SMAP1: variants seen among roughly 807,000 people sequenced by gnomAD.
The protein encoded by SMAP1 is small ArfGAP 1.
SMAP1 carries 24 observed loss-of-function variants against 58.5 expected under a neutral mutation model. The ratio of observed to expected loss-of-function variants is 0.41; its 90% CI spans 0.30 to 0.58. The LOEUF is 0.58. Among genes scored for constraint, SMAP1 ranks in the 20% least tolerant of loss-of-function variants. The probability of loss-of-function intolerance (pLI) is 0.29; values close to 1 mark genes in which losing one functional copy is unlikely to be tolerated. For synonymous variants in SMAP1, 216 were observed against 196.6 expected (o/e 1.10, Z -0.82); for missense variants, 563 against 566.3 (o/e 0.99, Z 0.06).
At chr6:70,857,370 C>G (rs1277575416) in intron 9 of SMAP1, 3 of 182,380 alleles carry the variant, frequency 1.6e-5, no homozygotes, top group Non-Finnish European at 3.4e-5. Context: ...TGCAGGTAAA[C>G]AGTCTTGAGT....
intron 5 of SMAP1, among the ~76,000 whole-genome samples, chr6:70,793,914 A>G (rs1050212428): frequency 6.6e-6 from 1 of 151,810 alleles, no homozygotes; most frequent in African/African-American, 2.4e-5. Context: ...ATGTATTTTT[A>G]TAGAGATAGG....
At chr6:70,817,306 A>G (rs1337386926) in intron 6 of SMAP1, among the ~76,000 whole-genome samples, 4 of 152,116 alleles carry the variant, frequency 2.6e-5, no homozygotes, top group African/African-American at 7.2e-5. Context: ...ACTGATTGCT[A>G]GAAGGAAAAG....
At chr6:70,721,062 AT>A (rs1768503401) in intron 1 of SMAP1, among the ~76,000 whole-genome samples, 1 of 152,206 alleles carries the variant, frequency 6.6e-6, no homozygotes, top group South Asian at 2.1e-4. Flanking sequence ...CTTGCTACTT[AT>A]GCAAATTAGG....
intron 3 of SMAP1, among the ~76,000 whole-genome samples, chr6:70,755,660 A>G (rs906867098): frequency 3.9e-5 from 6 of 151,988 alleles, no homozygotes; most frequent in Admixed American, 2.0e-4. Context: ...GTTGAGGGGC[A>G]TCTCTGTTAC....
intron 1 of SMAP1, among the ~76,000 whole-genome samples, chr6:70,677,199 C>A (rs188250686): frequency 0.017 from 1,892 of 112,252 alleles, 11 homozygotes; most frequent in Non-Finnish European, 0.026. Context: ...TTTTTTTTTG[C>A]TATATCCTTA....
chr6:70,788,466 TAAAATA>T (rs969791352), intron 4 of SMAP1, among the ~76,000 whole-genome samples: 15 of 148,498 alleles, frequency 1.0e-4, no homozygotes, highest in African/African-American at 2.9e-4. Context: ...TAATAAAAAA[TAAAATA>T]AAAAAAAACT....
intron 1 of SMAP1, among the ~76,000 whole-genome samples, chr6:70,687,922 G>A (rs988220694): frequency 1.3e-5 from 2 of 152,118 alleles, no homozygotes; most frequent in African/African-American, 2.4e-5. Flanking sequence ...AGAATCTCTT[G>A]TGTTGCCCTC....
intron 1 of SMAP1, among the ~76,000 whole-genome samples, chr6:70,691,728 T>C (rs770485945): frequency 5.3e-5 from 8 of 152,234 alleles, no homozygotes; most frequent in Non-Finnish European, 1.2e-4. Context: ...TTTCTGTGCC[T>C]GACATTTCAC....
chr6:70,668,023 G>C lies in SMAP1; in HGVS notation c.-1G>C. On this transcript the variant is annotated 5_prime_UTR_variant, in exon 1 of 11. Transcript: ENST00000370455. ...CCCAGGCTCCCCGCCCCGCTGCCGA[G>C]ATGGCGACGCGCTCCTGTCGGGAGA... is the stretch of plus-strand genomic sequence containing the variant. The C allele has an allele frequency of 1.3e-6, 2 of 1,592,474 alleles. No homozygotes were observed. Among genetic ancestry groups the C allele is most frequent in the South Asian group, 1.1e-5 (1 of 88,800 alleles).
chr6:70,744,414 A>G (rs1765940106), intron 2 of SMAP1, among the ~76,000 whole-genome samples: 1 of 152,096 alleles, frequency 6.6e-6, no homozygotes, highest in South Asian at 2.1e-4. Context: ...ATGAGTGAGA[A>G]CATATGGTGT....
At chr6:70,671,470 G>C (rs550463433) in intron 1 of SMAP1, among the ~76,000 whole-genome samples, 2 of 152,208 alleles carry the variant, frequency 1.3e-5, no homozygotes, top group East Asian at 1.9e-4. Flanking sequence ...CGTGGGAGGC[G>C]GAGGCAAGAG....
At chr6:70,727,020 G>C (rs1415055082) in intron 1 of SMAP1, among the ~76,000 whole-genome samples, 1 of 149,644 alleles carries the variant, frequency 6.7e-6, no homozygotes, top group African/African-American at 2.5e-5. Flanking sequence ...CTTCAAGATG[G>C]GGGGGGCACT....
chr6:70,824,735 C>G (rs1004012114), intron 6 of SMAP1, among the ~76,000 whole-genome samples: 11 of 152,128 alleles, frequency 7.2e-5, no homozygotes, highest in Admixed American at 2.6e-4. Flanking sequence ...GTTTTTATTT[C>G]ACTTCTTGAT....
intron 1 of SMAP1, among the ~76,000 whole-genome samples, chr6:70,690,688 T>TTATATATA (rs111848722): frequency 2.2e-5 from 3 of 136,556 alleles, no homozygotes; most frequent in African/African-American, 5.0e-5. Context: ...GATGTATCTT[T>TTATATATA]TATATATATA....
At chr6:70,847,381 T>C (rs1771033276) in intron 7 of SMAP1, among the ~76,000 whole-genome samples, 1 of 152,242 alleles carries the variant, frequency 6.6e-6, no homozygotes, top group African/African-American at 2.4e-5. Context: ...TGAAAACATT[T>C]TAACCTTTTC....
At chr6:70,758,965 T>C (rs1766634549) in intron 3 of SMAP1, among the ~76,000 whole-genome samples, 1 of 152,038 alleles carries the variant, frequency 6.6e-6, no homozygotes, top group East Asian at 1.9e-4. Flanking sequence ...AGTTACCCCA[T>C]TTGGTGGCTG....
intron 1 of SMAP1, among the ~76,000 whole-genome samples, chr6:70,671,205 A>G (rs1321128959): frequency 1.3e-5 from 2 of 149,852 alleles, no homozygotes; most frequent in Admixed American, 6.6e-5. Context: ...TCACTTCTCT[A>G]TTCTTTCACA....
At chr6:70,683,548 A>G (rs911711444) in intron 1 of SMAP1, among the ~76,000 whole-genome samples, 5 of 151,838 alleles carry the variant, frequency 3.3e-5, no homozygotes, top group Admixed American at 2.0e-4. Context: ...GGGATTGGCA[A>G]CCCTTTTCAC....
chr6:70,856,919 T>G lies in SMAP1; in HGVS notation c.850T>G (p.Leu284Val). Reference protein sequence around the residue: ...LSTVTSGDLDLFTEQTTKSEE... With the variant: ...LSTVTSGDLDVFTEQTTKSEE... The stretch of plus-strand genomic sequence containing the variant: ...TACAGTAACATCTGGGGATCTAGAT[T>G]TATTCACTGAGCAAACTACAAAATC... Residue 284 changes from leucine to valine, a missense_variant, in exon 9 of 11, where the codon TTA becomes GTA. Coordinates refer to ENST00000370455, the MANE Select transcript of SMAP1 (RefSeq NM_001044305.3). 1.2e-6 allele frequency: 2 copies of G among 1,613,948 alleles called. No individual in the cohort carries two copies. Among genetic ancestry groups the G allele is most frequent in the Non-Finnish European group, 1.7e-6 (2 of 1,179,830 alleles).
Sources: gnomAD v4.1 joint callset for allele counts (sites outside exome capture counted in the v4.1 genomes callset) on GRCh38, gnomAD v4.1.1 for gene constraint, MANE v1.5 for transcripts, NCBI Gene and HGNC (gene_info 2026-07-23, HGNC 2026-07-21) for gene names.